Variants in CDH1 observed in about 807,000 individuals in gnomAD.
CDH1 encodes cadherin-1.
Under a neutral mutation model 84.5 loss-of-function variants are expected in CDH1, and 35 were observed. That is an observed-to-expected ratio of 0.41 (90% CI 0.32 to 0.55). CDH1 has a LOEUF of 0.55. Ranked by LOEUF, CDH1 falls within the 20% of genes least tolerant of loss-of-function variation. CDH1 has a pLI of 0.19. For missense variants in CDH1, 994 were observed against 1,126.6 expected (o/e 0.88, Z 1.68); for synonymous variants, 417 against 439.0 (o/e 0.95, Z 0.63).
At chr16:68,827,826 C>G (rs1961361245) in intron 13 of CDH1, among the ~76,000 whole-genome samples, 1 of 152,150 alleles carries the variant, frequency 6.6e-6, no homozygotes, top group Non-Finnish European at 1.5e-5. Context: ...TTCCCTCCAT[C>G]ACACCAAACA....
intron 3 of CDH1, among the ~76,000 whole-genome samples, chr16:68,804,867 G>A (rs1368480750): frequency 2.9e-5 from 3 of 102,550 alleles, no homozygotes; most frequent in African/African-American, 1.2e-4. Flanking sequence ...GTCTTGCTCT[G>A]TCACCCAGGC....
Position 68,833,691 on chromosome 16 carries a change from C to A in CDH1, c.*192C>A. The A allele has an allele frequency of 3.4e-6, 2 of 584,340 alleles. No individual in the cohort carries two copies. The highest frequency in any genetic ancestry group is 6.1e-6 in the Non-Finnish European group (2 of 329,644). The allele number at this position is 584,340 out of a possible 1,614,324, so 36.2% of individuals were successfully genotyped here. ...TAATAAGTTTGTGTTAGAAAAGTTT[C>A]GACTTATTTCTTAAAGCTTTTTTTT... On this transcript the variant is annotated 3_prime_UTR_variant, in exon 16 of 16. Transcript: ENST00000261769.
At chr16:68,748,437 G>T (rs1962804907) in intron 2 of CDH1, among the ~76,000 whole-genome samples, 1 of 152,118 alleles carries the variant, frequency 6.6e-6, no homozygotes, top group Admixed American at 6.5e-5. Context: ...AATTTCTGTG[G>T]GTACAAAGTT....
In CDH1 at chr16:68,822,144, C is replaced by T. The variant is rs876659221; in HGVS notation, c.1855C>T (p.Leu619Phe). The T allele has an allele frequency of 1.2e-6, 2 of 1,613,932 alleles. No individual in the cohort carries two copies. The change falls in exon 12 of 16, where the codon CTT becomes TTT. Residue 619 changes from leucine (L) to phenylalanine (F), a missense_variant. By Grantham distance (22) the Leu-to-Phe change is conservative. Around this residue, in one of 3 missense-constraint regions of CDH1, gnomAD observed 769 missense variants for 881.8 expected, o/e 0.87. Coordinates refer to ENST00000261769, the MANE Select transcript of CDH1 (RefSeq NM_004360.5). Reference sequence around the variant, plus strand: ...GGTCATAAACATCATTGATGCAGACCTTCCTCCCAATACATCTCCCTTCAC... The same window carrying T: ...GGTCATAAACATCATTGATGCAGACTTTCCTCCCAATACATCTCCCTTCAC... ...PQVINIIDAD[L>F]PPNTSPFTAE...
intron 2 of CDH1, among the ~76,000 whole-genome samples, chr16:68,751,260 T>G (rs1388892463): frequency 6.6e-6 from 1 of 152,190 alleles, no homozygotes; most frequent in East Asian, 1.9e-4. Context: ...GTCCTTTGAC[T>G]CATGTACCTG....
At chr16:68,769,319 T>G (rs3931740) in intron 2 of CDH1, among the ~76,000 whole-genome samples, 144,200 of 152,200 alleles carry the variant, frequency 0.95, 68,416 homozygotes, top group East Asian at 1. Context: ...ATGTGTATAC[T>G]TTTTTTCAAA....
At chr16:68,755,045 C>T (rs1188538936) in intron 2 of CDH1, among the ~76,000 whole-genome samples, 1 of 151,872 alleles carries the variant, frequency 6.6e-6, no homozygotes, top group Non-Finnish European at 1.5e-5. Context: ...AATCCCAAGC[C>T]AAGGCAGGTA....
intron 15 of CDH1, among the ~76,000 whole-genome samples, chr16:68,830,242 C>T (rs568514350): frequency 3.9e-5 from 6 of 151,984 alleles, no homozygotes; most frequent in Non-Finnish European, 5.9e-5. Flanking sequence ...TGTGAGCCAC[C>T]GCACCTGGCA....
At chr16:68,794,118 G>A (rs1319453506) in intron 2 of CDH1, among the ~76,000 whole-genome samples, 3 of 151,816 alleles carry the variant, frequency 2.0e-5, no homozygotes, top group Non-Finnish European at 4.4e-5. Context: ...CCGCAGCCTC[G>A]ACCTCCTGGG....
At chr16:68,820,155 C>T (rs1008241747) in intron 11 of CDH1, among the ~76,000 whole-genome samples, 9 of 151,456 alleles carry the variant, frequency 5.9e-5, no homozygotes, top group Non-Finnish European at 8.8e-5. Flanking sequence ...GCCAAGATTG[C>T]GCCACTGCTC....
At chr16:68,806,128 A>G (rs774527359) in intron 3 of CDH1, among the ~76,000 whole-genome samples, 81 of 29,038 alleles carry the variant, frequency 2.8e-3, no homozygotes, top group African/African-American at 6.3e-3. Context: ...TTGTATATTT[A>G]TTTATTTATT....
intron 8 of CDH1, 126 bp from the exon 9 acceptor site, chr16:68,813,187 A>T (rs894041226): frequency 4.1e-6 from 4 of 972,824 alleles, no homozygotes; most frequent in Non-Finnish European, 6.5e-6. Context: ...AATACACTCC[A>T]GCCTGGTGAC....
intron 3 of CDH1, among the ~76,000 whole-genome samples, chr16:68,805,227 C>T (rs1960626255): frequency 6.6e-6 from 1 of 151,872 alleles, no homozygotes; most frequent in South Asian, 2.1e-4. Context: ...ACCATGTTGG[C>T]CAGGCTGGTC....
At chr16:68,791,105 G>T (rs1214376270) in intron 2 of CDH1, among the ~76,000 whole-genome samples, 1 of 152,236 alleles carries the variant, frequency 6.6e-6, no homozygotes, top group Admixed American at 6.5e-5. Context: ...GGCAGGAGTG[G>T]TTATCTGTTG....
intron 2 of CDH1, among the ~76,000 whole-genome samples, chr16:68,797,964 C>A (rs576733902): frequency 2.0e-5 from 3 of 150,980 alleles, no homozygotes; most frequent in East Asian, 2.0e-4. Context: ...CTGTAATCCC[C>A]GCTACTCGGG....
intron 2 of CDH1, among the ~76,000 whole-genome samples, chr16:68,746,810 G>A (rs551040740): frequency 6.6e-6 from 1 of 152,186 alleles, no homozygotes; most frequent in Non-Finnish European, 1.5e-5. Context: ...CTAGCCGGGC[G>A]TGGTGGTGCA....
rs2152143948 is a variant in CDH1 at position 68,833,351 on chromosome 16, A to T, written c.2501A>T (p.Asp834Val). The change falls in exon 16 of 16, where the codon GAC (aspartate) becomes GTC (valine). Residue 834 changes from aspartate to valine, a missense_variant. This residue lies in a region of CDH1 where 769 missense variants were observed against 881.8 expected (regional missense o/e 0.87). Transcript: ENST00000261769. ...APPYDSLLVFDYEGSGSEAAS... is the reference protein window; with the variant it reads ...APPYDSLLVFVYEGSGSEAAS... ...CCTTATGATTCTCTGCTCGTGTTTGACTATGAAGGAAGCGGTTCCGAAGCT... is the reference window on the plus strand; with the variant it reads ...CCTTATGATTCTCTGCTCGTGTTTGTCTATGAAGGAAGCGGTTCCGAAGCT... The T allele has an allele frequency of 6.2e-7, 1 of 1,614,126 alleles. No individual in the cohort carries two copies. Among genetic ancestry groups the T allele is most frequent in the Non-Finnish European group, 8.5e-7 (1 of 1,180,026 alleles).
chr16:68,784,915 C>T (rs763602221), intron 2 of CDH1, among the ~76,000 whole-genome samples: 15 of 151,874 alleles, frequency 9.9e-5, no homozygotes, highest in South Asian at 4.2e-4. Flanking sequence ...CCCTCCTGTT[C>T]GGTCATTTTA....
At chr16:68,826,960 T>C (rs1961337122) in intron 13 of CDH1, among the ~76,000 whole-genome samples, 3 of 152,138 alleles carry the variant, frequency 2.0e-5, no homozygotes, top group Admixed American at 2.0e-4. Context: ...CCCAAGTTTA[T>C]GCAACCTCCT....
Sources: gnomAD v4.1 joint callset for allele counts (sites outside exome capture counted in the v4.1 genomes callset) on GRCh38, gnomAD v4.1.1 for gene constraint, gnomAD v4.1.1 regional missense constraint, MANE v1.5 for transcripts, NCBI Gene and HGNC (gene_info 2026-07-23, HGNC 2026-07-21) for gene names.